Variants in RPSA2 observed in about 807,000 individuals in gnomAD.
RPSA2 encodes the protein small ribosomal subunit protein uS2B.
the RPSA2 span, among the ~76,000 whole-genome samples, chr19:23,836,039 A>G: frequency 6.6e-6 from 1 of 152,142 alleles, no homozygotes; most frequent in Non-Finnish European, 1.5e-5. Context: ...TATAGGTGGT[A>G]TTTGGTTAGA....
At chr19:23,847,063 CCTT>C in the RPSA2 span, among the ~76,000 whole-genome samples, 2 of 151,994 alleles carry the variant, frequency 1.3e-5, no homozygotes, top group African/African-American at 2.4e-5. Context: ...TCATTTCTCT[CCTT>C]ATTTTTGTCT....
At chr19:23,851,222 C>T in the RPSA2 span, among the ~76,000 whole-genome samples, 1 of 426 alleles carries the variant, frequency 2.3e-3, no homozygotes, top group Non-Finnish European at 0.011. Flanking sequence ...GGAGTTAGGC[C>T]CTCTGGGATT....
chr19:23,860,796 A>G, the RPSA2 span, among the ~76,000 whole-genome samples: 22 of 152,356 alleles, frequency 1.4e-4, no homozygotes, highest in African/African-American at 5.1e-4. Flanking sequence ...CATGACTTCA[A>G]TTCTCTATTT....
chr19:23,863,258 G>C, the RPSA2 span, among the ~76,000 whole-genome samples: 1 of 152,108 alleles, frequency 6.6e-6, no homozygotes, highest in Admixed American at 6.5e-5. Context: ...AAACTTAGAA[G>C]AGTATTTAAA....
At chr19:23,776,076 AG>A in the RPSA2 span, among the ~76,000 whole-genome samples, 1 of 152,150 alleles carries the variant, frequency 6.6e-6, no homozygotes, top group Non-Finnish European at 1.5e-5. Context: ...AAGACATTGT[AG>A]TATATCTCAG....
chr19:23,827,710 G>C, the RPSA2 span: 4 of 1,587,928 alleles, frequency 2.5e-6, no homozygotes, highest in African/African-American at 5.4e-5. Flanking sequence ...GGGAAGTTCT[G>C]CGCATGCGTG....
At chr19:23,863,178 C>A in the RPSA2 span, among the ~76,000 whole-genome samples, 1 of 152,102 alleles carries the variant, frequency 6.6e-6, no homozygotes, top group Non-Finnish European at 1.5e-5. Context: ...TGATTTAATG[C>A]AAATACAAGC....
the RPSA2 span, among the ~76,000 whole-genome samples, chr19:23,838,097 A>G: frequency 2.6e-5 from 4 of 152,154 alleles, no homozygotes; most frequent in Non-Finnish European, 5.9e-5. Context: ...GATAGCTTTT[A>G]TTACATTAAG....
chr19:23,818,181 A>T, the RPSA2 span: 1 of 152,216 alleles, frequency 6.6e-6, no homozygotes, highest in African/African-American at 2.4e-5. Context: ...AGTTAGGGTC[A>T]TTAGTTGTGT....
chr19:23,782,448 A>G, the RPSA2 span: 1 of 152,098 alleles, frequency 6.6e-6, no homozygotes, highest in Admixed American at 6.6e-5. Context: ...TACAGGGAGC[A>G]TTGTGACATA....
the RPSA2 span, among the ~76,000 whole-genome samples, chr19:23,847,473 C>A: frequency 6.6e-6 from 1 of 152,130 alleles, no homozygotes; most frequent in African/African-American, 2.4e-5. Context: ...GACCATGATG[C>A]CCACCTGAGC....
At chr19:23,770,863 G>A in the RPSA2 span, among the ~76,000 whole-genome samples, 1 of 152,260 alleles carries the variant, frequency 6.6e-6, no homozygotes, top group Non-Finnish European at 1.5e-5. Flanking sequence ...ACATATCACT[G>A]CCCCAAAATG....
chr19:23,795,641 C>T, the RPSA2 span, among the ~76,000 whole-genome samples: 4 of 152,054 alleles, frequency 2.6e-5, no homozygotes, highest in Non-Finnish European at 5.9e-5. Context: ...GACTTCCTCT[C>T]TGTTTAAGTT....
chr19:23,824,580 C>CTTTCTTTTTTTTTTTTTTTTTTTTTTTT, the RPSA2 span, among the ~76,000 whole-genome samples: 8 of 63,822 alleles, frequency 1.3e-4, 1 homozygote, highest in East Asian at 4.8e-4. Flanking sequence ...TATAGCATTT[C>CTTTCTTTTTTTTTTTTTTTTTTTTTTTT]TTTTTTTTTT....
chr19:23,798,208 A>G, the RPSA2 span, among the ~76,000 whole-genome samples: 1 of 152,200 alleles, frequency 6.6e-6, no homozygotes, highest in East Asian at 1.9e-4. Flanking sequence ...AGAGCACACA[A>G]AAGTTTAGCA....
chr19:23,776,349 A>G, the RPSA2 span, among the ~76,000 whole-genome samples: 6 of 152,196 alleles, frequency 3.9e-5, no homozygotes, highest in Non-Finnish European at 8.8e-5. Flanking sequence ...GCATTTGGAC[A>G]TATCACTGTG....
At chr19:23,815,250 C>T in the RPSA2 span, among the ~76,000 whole-genome samples, 1 of 152,190 alleles carries the variant, frequency 6.6e-6, no homozygotes, top group Non-Finnish European at 1.5e-5. Context: ...GTTTTGTACT[C>T]ATGTGTTAAA....
chr19:23,834,470 A>G, the RPSA2 span, among the ~76,000 whole-genome samples: 1 of 152,016 alleles, frequency 6.6e-6, no homozygotes, highest in African/African-American at 2.4e-5. Flanking sequence ...TGCATAATGA[A>G]AATTTAAGTA....
the RPSA2 span, among the ~76,000 whole-genome samples, chr19:23,840,985 A>G: frequency 2.0e-5 from 3 of 148,242 alleles, no homozygotes; most frequent in South Asian, 2.2e-4. Flanking sequence ...AAAAAAAAAA[A>G]AGACAAAACA....
Sources: allele counts gnomAD v4.1 joint callset (sites outside exome capture counted in the v4.1 genomes callset), GRCh38; gene constraint gnomAD v4.1.1; transcripts MANE v1.5; gene names NCBI Gene and HGNC (gene_info 2026-07-23, HGNC 2026-07-21).